Variants in TF observed in about 807,000 individuals in gnomAD.
TF encodes the protein transferrin, also known as serotransferrin.
Under a neutral mutation model 82.4 loss-of-function variants are expected in TF, and 55 were observed. That is an observed-to-expected ratio of 0.67 (90% CI 0.54 to 0.84). The LOEUF (loss-of-function observed/expected upper bound fraction) is 0.84, where lower values mean the gene tolerates loss of function less well. Among genes scored for constraint, TF ranks in the 40% least tolerant of loss-of-function variants. The pLI is 0.00. For missense variants in TF, 737 were observed against 868.4 expected (o/e 0.85, Z 1.90); for synonymous variants, 332 against 332.6 (o/e 1.00, Z 0.02).
intron 14 of TF, 135 bp downstream of exon 14, chr3:133,770,707 C>A: frequency 9.5e-7 from 1 of 1,058,100 alleles, no homozygotes; most frequent in African/African-American, 1.6e-5. Context: ...AGTCTGTCTG[C>A]TCAGTGAAGA....
the TF span, among the ~76,000 whole-genome samples, chr3:133,708,861 A>G: frequency 6.6e-6 from 1 of 151,880 alleles, no homozygotes; most frequent in African/African-American, 2.4e-5. Context: ...GACAGAGTAC[A>G]TCACTGAGGG....
At chr3:133,743,201 T>C (rs114652413), upstream of TF, among the ~76,000 whole-genome samples, 163 of 152,336 alleles carry the variant, frequency 1.1e-3, no homozygotes, top group African/African-American at 3.8e-3. Context: ...GGTACTGATC[T>C]TATCTTGCAT....
At chr3:133,729,599 C>A in the TF span, among the ~76,000 whole-genome samples, 2 of 152,348 alleles carry the variant, frequency 1.3e-5, no homozygotes, top group Non-Finnish European at 2.9e-5. Context: ...CTCCCTGACC[C>A]CTTGCACTTC....
the TF span, among the ~76,000 whole-genome samples, chr3:133,716,008 C>T: frequency 3.3e-5 from 5 of 152,312 alleles, no homozygotes; most frequent in East Asian, 9.7e-4. Flanking sequence ...ATCACTTCCT[C>T]CTCTTGGATT....
Position 133,754,636 on chromosome 3 carries a change from G to A in TF, c.467G>A (p.Cys156Tyr). The part of the protein sequence containing the change: ...GWNIPIGLLY[C>Y]DLPEPRKPLE... The stretch of plus-strand genomic sequence containing the variant: ...AACATCCCCATAGGCTTACTTTACT[G>A]TGACTTACCTGAGCCACGTAAACCT... The change falls in exon 4 of 17, where the codon TGT (cysteine) becomes TAT (tyrosine). Residue 156 changes from cysteine (C) to tyrosine (Y), a missense_variant. Physicochemically the swap from Cys to Tyr is radical, Grantham distance 194. Coordinates refer to ENST00000402696, the MANE Select transcript of TF (RefSeq NM_001063.4). The A allele has an allele frequency of 6.2e-7, 1 of 1,614,220 alleles. No individual in the cohort carries two copies. Among genetic ancestry groups the A allele is most frequent in the Non-Finnish European group, 8.5e-7 (1 of 1,180,036 alleles).
chr3:133,772,640 C>T (rs1458842230), intron 14 of TF: 2 of 152,186 alleles, frequency 1.3e-5, no homozygotes, highest in African/African-American at 4.8e-5. Context: ...GAGAATCCTG[C>T]TATACTCCCT....
the TF span, among the ~76,000 whole-genome samples, chr3:133,708,965 G>A: frequency 3.9e-4 from 59 of 152,126 alleles, 1 homozygote; most frequent in East Asian, 0.011. Flanking sequence ...TTCCTGGAAT[G>A]ACTCCCACCC....
At chr3:133,730,045 T>C in the TF span, among the ~76,000 whole-genome samples, 1 of 152,248 alleles carries the variant, frequency 6.6e-6, no homozygotes, top group African/African-American at 2.4e-5. Context: ...ATGTTTCTTA[T>C]GTCCCTACAT....
intron 13 of TF, among the ~76,000 whole-genome samples, chr3:133,769,945 A>G (rs575283412): frequency 1.3e-3 from 197 of 152,280 alleles, no homozygotes; most frequent in African/African-American, 4.5e-3. Flanking sequence ...ACACCCAGAG[A>G]TATGTGGCCT....
chr3:133,731,214 T>TAACCAGCTGAACAGAGCTGATTCAGCTC, the TF span, among the ~76,000 whole-genome samples: 2 of 152,306 alleles, frequency 1.3e-5, no homozygotes, highest in East Asian at 1.9e-4. Context: ...CTGTTCAGCT[T>TAACCAGCTGAACAGAGCTGATTCAGCTC]AACCAGCTGA....
intron 8 of TF, among the ~76,000 whole-genome samples, chr3:133,758,794 A>G (rs1364653592): frequency 6.6e-6 from 1 of 152,168 alleles, no homozygotes; most frequent in African/African-American, 2.4e-5. Context: ...CAAGACAGGC[A>G]GGGCCCTTTC....
the TF span, among the ~76,000 whole-genome samples, chr3:133,721,973 G>A: frequency 2.0e-5 from 3 of 152,046 alleles, no homozygotes; most frequent in Non-Finnish European, 2.9e-5. Flanking sequence ...TCTGCCTCCT[G>A]GGGTCAAGCC....
chr3:133,691,683 G>C, the TF span: 1 of 152,920 alleles, frequency 6.5e-6, no homozygotes, highest in Non-Finnish European at 1.5e-5. Flanking sequence ...TTTCTCAGAA[G>C]TGATGGGCAT....
the TF span, among the ~76,000 whole-genome samples, chr3:133,739,568 C>T: frequency 2.4e-4 from 37 of 151,676 alleles, no homozygotes; most frequent in Admixed American, 6.6e-4. Flanking sequence ...TCTATCCCTC[C>T]GACAAAGGGC....
At chr3:133,776,883 C>T (rs1471505188) in intron 15 of TF, among the ~76,000 whole-genome samples, 166 bp from the exon 16 acceptor site, 1 of 152,026 alleles carries the variant, frequency 6.6e-6, no homozygotes, top group Non-Finnish European at 1.5e-5. Context: ...AGCTGGGGCC[C>T]TAAGTGGATA....
the TF span, chr3:133,699,680 G>T: frequency 2.2e-6 from 1 of 458,644 alleles, no homozygotes; most frequent in Non-Finnish European, 4.4e-6. Flanking sequence ...GGATTTGGAG[G>T]GAGGTTAACT....
chr3:133,786,678 C>A lies in TF; in HGVS notation c.*8058C>A, dbSNP rs966489780. On this transcript the variant is annotated 3_prime_UTR_variant, in exon 17 of 17. Coordinates refer to ENST00000402696, the MANE Select transcript of TF (RefSeq NM_001063.4). Reference sequence around the variant, plus strand: ...TTTTAAGATTCCCAGGAAAGACAGTCTTCTGAAAATTTGAGCATTATTGCC... The same window carrying A: ...TTTTAAGATTCCCAGGAAAGACAGTATTCTGAAAATTTGAGCATTATTGCC... 1.3e-5 allele frequency: 2 copies of A among 152,174 alleles called. No homozygotes were observed. The highest frequency in any genetic ancestry group is 2.9e-5 in the Non-Finnish European group (2 of 68,036). The allele number at this position is 152,174 out of a possible 1,614,324, so 9.4% of individuals were successfully genotyped here. A position where few individuals can be genotyped will look rare whatever the true frequency, so the allele number is the denominator to read the frequency against.
chr3:133,687,420 T>C, the TF span, among the ~76,000 whole-genome samples: 1 of 152,178 alleles, frequency 6.6e-6, no homozygotes, highest in African/African-American at 2.4e-5. Flanking sequence ...TTCTTCCTTT[T>C]TGAGATGAGA....
chr3:133,677,545 G>A, the TF span, among the ~76,000 whole-genome samples: 1 of 152,150 alleles, frequency 6.6e-6, no homozygotes, highest in Non-Finnish European at 1.5e-5. Flanking sequence ...GCTGAGGCAG[G>A]AGAATCGCTT....
Sources: allele counts gnomAD v4.1 joint callset (sites outside exome capture counted in the v4.1 genomes callset), GRCh38; gene constraint gnomAD v4.1.1; transcripts MANE v1.5; gene names NCBI Gene and HGNC (gene_info 2026-07-23, HGNC 2026-07-21).